GALNT13: variants seen among roughly 807,000 people sequenced by gnomAD.
GALNT13 encodes the protein polypeptide N-acetylgalactosaminyltransferase 13, also known as UDP-GalNAc:polypeptide N-acetylgalactosaminyltransferase 13.
Under a neutral mutation model 64.2 loss-of-function variants are expected in GALNT13, and 28 were observed. That is an observed-to-expected ratio of 0.44 (90% CI 0.32 to 0.60). The LOEUF (loss-of-function observed/expected upper bound fraction) is 0.60. GALNT13 is among the 20% of genes least tolerant of loss of function. The pLI, the probability that GALNT13 is intolerant of heterozygous loss-of-function variation, is 0.05. For missense variants in GALNT13, 577 were observed against 669.8 expected, an observed-to-expected ratio of 0.86 and a Z score of 1.53; for synonymous variants, 214 against 224.6, an observed-to-expected ratio of 0.95 and a Z score of 0.42.
At chr2:154,208,619 CGTGTCTGT>C (rs1488144763) in intron 4 of GALNT13, among the ~76,000 whole-genome samples, 1 of 112,784 alleles carries the variant, frequency 8.9e-6, no homozygotes, top group Non-Finnish European at 1.8e-5. Flanking sequence ...TCACGTTTTG[CGTGTCTGT>C]GTGTGTGTGT....
At chr2:153,141,464 C>T in the GALNT13 span, among the ~76,000 whole-genome samples, 3 of 151,988 alleles carry the variant, frequency 2.0e-5, no homozygotes, top group Admixed American at 6.6e-5. Context: ...AAGAGGCCTC[C>T]AGACTTCTCA....
the GALNT13 span, among the ~76,000 whole-genome samples, chr2:153,093,386 A>G: frequency 2.0e-5 from 3 of 151,650 alleles, no homozygotes; most frequent in South Asian, 6.2e-4. Context: ...CTACAGATGC[A>G]TGCCACCATG....
intron 4 of GALNT13, among the ~76,000 whole-genome samples, chr2:154,167,992 A>C (rs944114423): frequency 1.3e-5 from 2 of 152,198 alleles, no homozygotes; most frequent in African/African-American, 4.8e-5. Flanking sequence ...GGAGTGCCAA[A>C]GCCAAGTCAG....
chr2:154,354,936 C>CACTA (rs34959514), intron 9 of GALNT13, among the ~76,000 whole-genome samples: 9 of 74,516 alleles, frequency 1.2e-4, no homozygotes, highest in African/African-American at 3.2e-4. Context: ...TTTTCTCTGA[C>CACTA]ACTAACTTTC....
the GALNT13 span, among the ~76,000 whole-genome samples, chr2:153,817,288 AC>A: frequency 6.6e-6 from 1 of 152,180 alleles, no homozygotes; most frequent in Non-Finnish European, 1.5e-5. Context: ...GCTTGGCCAA[AC>A]TTTAGTCAGG....
At chr2:153,660,582 T>C in the GALNT13 span, among the ~76,000 whole-genome samples, 1 of 149,498 alleles carries the variant, frequency 6.7e-6, no homozygotes, top group African/African-American at 2.4e-5. Context: ...TTATGGAGGA[T>C]GTATATAAAA....
At chr2:154,071,654 G>C (rs1336796327) in intron 3 of GALNT13, among the ~76,000 whole-genome samples, 1 of 152,054 alleles carries the variant, frequency 6.6e-6, no homozygotes, top group African/African-American at 2.4e-5. Context: ...GTAATTCACG[G>C]ACATGTACAG....
At chr2:153,467,314 T>G in the GALNT13 span, among the ~76,000 whole-genome samples, 4 of 152,174 alleles carry the variant, frequency 2.6e-5, no homozygotes, top group African/African-American at 9.6e-5. Flanking sequence ...ACTAGCAGAC[T>G]CTAGATCTAC....
intron 12 of GALNT13, chr2:154,446,574 A>G: frequency 6.5e-7 from 1 of 1,540,572 alleles, no homozygotes; most frequent in Non-Finnish European, 8.8e-7. Flanking sequence ...ACAGACCCAC[A>G]CTCTTCTTCA....
intron 3 of GALNT13, among the ~76,000 whole-genome samples, chr2:154,014,432 A>G (rs1251622957): frequency 6.6e-6 from 1 of 151,632 alleles, no homozygotes; most frequent in Non-Finnish European, 1.5e-5. Context: ...CCCATGCAGG[A>G]TTTCCAGATT....
chr2:153,498,911 G>T, the GALNT13 span, among the ~76,000 whole-genome samples: 1 of 151,908 alleles, frequency 6.6e-6, no homozygotes, highest in East Asian at 1.9e-4. Flanking sequence ...GCAGTGGCGC[G>T]ATCTCCGCTC....
At chr2:153,296,396 T>C in the GALNT13 span, among the ~76,000 whole-genome samples, 1 of 152,324 alleles carries the variant, frequency 6.6e-6, no homozygotes, top group African/African-American at 2.4e-5. Context: ...ATTAACAACT[T>C]CCTTATCCCT....
At chr2:154,438,811 GT>G in intron 12 of GALNT13, 85 bp downstream of exon 12, 1 of 1,105,674 alleles carries the variant, frequency 9.0e-7, no homozygotes, top group Non-Finnish European at 1.3e-6. Flanking sequence ...TCTTAAGCTG[GT>G]TTTTATCTAC....
intron 8 of GALNT13, chr2:154,286,953 C>A: frequency 1.9e-6 from 1 of 538,012 alleles, no homozygotes; most frequent in South Asian, 1.8e-5. Context: ...TGCTGCCATC[C>A]ATCACTACCA....
the GALNT13 span, among the ~76,000 whole-genome samples, chr2:153,553,709 C>G: frequency 1.3e-5 from 2 of 152,158 alleles, no homozygotes; most frequent in Admixed American, 6.5e-5. Flanking sequence ...CAGGAGCCAG[C>G]ATGACAACTC....
the GALNT13 span, among the ~76,000 whole-genome samples, chr2:153,125,169 G>A: frequency 6.6e-6 from 1 of 152,208 alleles, no homozygotes; most frequent in Non-Finnish European, 1.5e-5. Context: ...CTGGTGTCCT[G>A]TATTTTATAT....
At chr2:153,278,854 A>G in the GALNT13 span, among the ~76,000 whole-genome samples, 2 of 152,258 alleles carry the variant, frequency 1.3e-5, no homozygotes, top group East Asian at 1.9e-4. Context: ...TTTTGGTCCC[A>G]TACGAGTTTT....
intron 3 of GALNT13, among the ~76,000 whole-genome samples, chr2:154,061,803 GA>G (rs1700203135): frequency 6.6e-6 from 1 of 152,108 alleles, no homozygotes; most frequent in Non-Finnish European, 1.5e-5. Context: ...TTCATTAGGA[GA>G]AATTGCTTTC....
At chr2:153,371,934 A>G in the GALNT13 span, among the ~76,000 whole-genome samples, 7 of 152,300 alleles carry the variant, frequency 4.6e-5, no homozygotes, top group South Asian at 1.5e-3. Context: ...TTCACTTGGA[A>G]TGATAGAGCA....
Sources: allele counts gnomAD v4.1 joint callset (sites outside exome capture counted in the v4.1 genomes callset), GRCh38; gene constraint gnomAD v4.1.1; transcripts MANE v1.5; gene names NCBI Gene and HGNC (gene_info 2026-07-23, HGNC 2026-07-21).